ALKAL1: variants seen among roughly 807,000 people sequenced by gnomAD.
The protein encoded by ALKAL1 is ALK and LTK ligand 1.
A neutral mutation model predicts 13.5 loss-of-function variants in ALKAL1; 23 were observed. The ratio of observed to expected loss-of-function variants is 1.70; its 90% CI spans 1.23 to 2.41. The LOEUF (loss-of-function observed/expected upper bound fraction) is 2.41. Among genes scored for constraint, ALKAL1 ranks in the 30% most tolerant of loss-of-function variants. The pLI, the probability that ALKAL1 is intolerant of heterozygous loss-of-function variation, is 0.00. For missense variants in ALKAL1, 181 were observed against 178.4 expected (o/e 1.01, Z -0.08); for synonymous variants, 85 against 77.7 (o/e 1.09, Z -0.49).
intron 1 of ALKAL1, among the ~76,000 whole-genome samples, chr8:52,561,089 C>T (rs1847545408): frequency 6.6e-6 from 1 of 151,866 alleles, no homozygotes; most frequent in Admixed American, 6.6e-5. Flanking sequence ...AAAAAAGTAC[C>T]CATCCATACC....
intron 4 of ALKAL1, among the ~76,000 whole-genome samples, chr8:52,537,194 C>A (rs1204361339): frequency 2.6e-5 from 4 of 151,964 alleles, no homozygotes; most frequent in Non-Finnish European, 5.9e-5. Flanking sequence ...AGAAGACATA[C>A]AAAAGTCTAA....
Position 52,558,656 on chromosome 8 carries a change from T to C in ALKAL1, c.190+6411A>G, listed in dbSNP as rs114165007. On this transcript the variant is annotated intron_variant, in intron 1 of 4. Coordinates refer to ENST00000358543, the MANE Select transcript of ALKAL1 (RefSeq NM_207413.4). The stretch of plus-strand genomic sequence containing the variant: ...CTAAAGTCGGGCTCGTTTATAGGCA[T>C]TGGCTGAAACAATGTTTCCAAAGTG... Among the ~76,000 whole-genome samples, 779 of 152,226 alleles carry C rather than the reference T, an allele frequency of 5.1e-3. 12 individuals are homozygous for C. The highest frequency in any genetic ancestry group is 0.017 in the African/African-American group (718 of 41,546).
In ALKAL1 at chr8:52,542,460, A is replaced by T. The variant is rs755715392; in HGVS notation, c.191-15T>A. On this transcript the variant is annotated splice_polypyrimidine_tract_variant and intron_variant, in intron 1 of 4. Transcript: ENST00000358543. ...TGGGAATATTTCTGAAAAGAAAAAA[A>T]AAACCATCAGAATTTATTGAATGCA... 5 of 1,460,570 alleles carry T rather than the reference A, an allele frequency of 3.4e-6. No homozygotes were observed. Among genetic ancestry groups the T allele is most frequent in the Non-Finnish European group, 4.7e-6 (5 of 1,060,046 alleles). The allele number at this position is 1,460,570 out of a possible 1,614,324, so 90.5% of individuals were successfully genotyped here.
At chr8:52,560,676 G>A (rs918572279) in intron 1 of ALKAL1, among the ~76,000 whole-genome samples, 2 of 152,200 alleles carry the variant, frequency 1.3e-5, no homozygotes, top group Non-Finnish European at 2.9e-5. Flanking sequence ...TTAGCAGCTC[G>A]ATAAATAGGC....
intron 1 of ALKAL1, among the ~76,000 whole-genome samples, chr8:52,563,017 A>C (rs1448632539): frequency 6.6e-6 from 1 of 152,190 alleles, no homozygotes; most frequent in Admixed American, 6.5e-5. Flanking sequence ...GTAGTATAGC[A>C]ATCAAAAAAT....
At chr8:52,543,283 A>G (rs1847332338) in intron 1 of ALKAL1, among the ~76,000 whole-genome samples, 1 of 152,254 alleles carries the variant, frequency 6.6e-6, no homozygotes, top group Admixed American at 6.5e-5. Flanking sequence ...TTTTAAGAAT[A>G]TAATGGGGAA....
intron 1 of ALKAL1, among the ~76,000 whole-genome samples, chr8:52,554,997 C>A (rs1847468072): frequency 6.6e-6 from 1 of 152,038 alleles, no homozygotes; most frequent in South Asian, 2.1e-4. Context: ...CGGAGAAACC[C>A]CATCTCTACT....
intron 1 of ALKAL1, among the ~76,000 whole-genome samples, chr8:52,551,905 A>T (rs1233592864): frequency 6.6e-6 from 1 of 152,172 alleles, no homozygotes; most frequent in Non-Finnish European, 1.5e-5. Flanking sequence ...AATACAAAGC[A>T]TTCCCATATG....
At chr8:52,538,251 G>A (rs1847280919) in intron 4 of ALKAL1, among the ~76,000 whole-genome samples, 180 bp downstream of exon 4, 1 of 151,938 alleles carries the variant, frequency 6.6e-6, no homozygotes, top group Non-Finnish European at 1.5e-5. Context: ...TGCAAAAGAA[G>A]GTTTTGAATG....
In ALKAL1 at chr8:52,539,907, C is replaced by T. The variant is rs143178871; in HGVS notation, c.249G>A (p.Pro83=). 62 of 1,611,756 alleles carry T rather than the reference C, an allele frequency of 3.8e-5. No individual in the cohort carries two copies. Among genetic ancestry groups the T allele is most frequent in the African/African-American group, 2.3e-4 (17 of 74,178 alleles). The part of the protein sequence containing the change: ...KDKFIKHFTG[P]VTFSPECSKH... The stretch of plus-strand genomic sequence containing the variant: ...TGCTGCATTCTGGTGAAAATGTGAC[C>T]GGCCCTAGAGCACAGGAAAAGAATG... Residue 83 remains proline, a synonymous_variant, in exon 3 of 5, where the codon CCG becomes CCA. Transcript: ENST00000358543.
In ALKAL1 at chr8:52,534,813, G is replaced by C. The variant is rs1403269126; in HGVS notation, c.*13-213C>G. 1.3e-5 allele frequency among the ~76,000 whole-genome samples: 2 copies of C among 152,118 alleles called. 1 individual carries two copies. Among genetic ancestry groups the C allele is most frequent in the Admixed American group, 1.3e-4 (2 of 15,276 alleles). ...TTTAATTATTGATTTTTCCCTTAAA[G>C]ATTTATGATATCTAGACATACCAAA... On this transcript the variant is annotated intron_variant, in intron 4 of 4. Coordinates refer to ENST00000358543, the MANE Select transcript of ALKAL1 (RefSeq NM_207413.4).
intron 1 of ALKAL1, among the ~76,000 whole-genome samples, chr8:52,556,021 A>G (rs1231595746): frequency 6.6e-6 from 1 of 152,140 alleles, no homozygotes; most frequent in Non-Finnish European, 1.5e-5. Context: ...AGTCACATAT[A>G]TTTTATATAC....
At chr8:52,536,290 T>C (rs1847266466) in intron 4 of ALKAL1, among the ~76,000 whole-genome samples, 1 of 152,204 alleles carries the variant, frequency 6.6e-6, no homozygotes, top group Non-Finnish European at 1.5e-5. Context: ...CCCGTTTCCT[T>C]AAAAGGACTT....
chr8:52,549,950 A>G (rs1307284035), intron 1 of ALKAL1, among the ~76,000 whole-genome samples: 1 of 152,198 alleles, frequency 6.6e-6, no homozygotes, highest in African/African-American at 2.4e-5. Flanking sequence ...TCAAAAATAA[A>G]TAAATACATA....
At chr8:52,562,265 G>C (rs756488651) in intron 1 of ALKAL1, among the ~76,000 whole-genome samples, 1 of 152,188 alleles carries the variant, frequency 6.6e-6, no homozygotes, top group Non-Finnish European at 1.5e-5. Flanking sequence ...AAACTCTCAA[G>C]AGGGTCTGAA....
chr8:52,543,534 C>T (rs1008254033), intron 1 of ALKAL1, among the ~76,000 whole-genome samples: 2 of 152,114 alleles, frequency 1.3e-5, no homozygotes, highest in East Asian at 1.9e-4. Context: ...TGTGTGGGTG[C>T]GCAGGAATGC....
chr8:52,537,921 C>T (rs1426353761), intron 4 of ALKAL1, among the ~76,000 whole-genome samples: 4 of 151,970 alleles, frequency 2.6e-5, no homozygotes, highest in African/African-American at 9.7e-5. Context: ...ACATGGTAAA[C>T]CCTGTCTCTA....
At chr8:52,547,835 A>T (rs1388414967) in intron 1 of ALKAL1, among the ~76,000 whole-genome samples, 1 of 152,250 alleles carries the variant, frequency 6.6e-6, no homozygotes, top group Non-Finnish European at 1.5e-5. Context: ...AATTAAAATT[A>T]AAATTAATTT....
In ALKAL1 at chr8:52,550,512, C is replaced by T. The variant is rs191285743; in HGVS notation, c.191-8067G>A. Among the ~76,000 whole-genome samples the T allele has an allele frequency of 4.1e-4, 62 of 152,324 alleles. 1 individual carries two copies. The highest frequency in any genetic ancestry group is 1.4e-3 in the African/African-American group (57 of 41,562). On this transcript the variant is annotated intron_variant, in intron 1 of 4. Transcript: ENST00000358543. ...TACAGACGGATTCTGCCTTCAGAAA[C>T]GACCATATATTGTGTATTTGTTTTG...
Sources: gnomAD v4.1 joint callset for allele counts (sites outside exome capture counted in the v4.1 genomes callset) on GRCh38, gnomAD v4.1.1 for gene constraint, MANE v1.5 for transcripts, NCBI Gene and HGNC (gene_info 2026-07-23, HGNC 2026-07-21) for gene names.